NRK: variants seen among roughly 807,000 people sequenced by gnomAD.
The protein encoded by NRK is Nik related kinase.
A neutral mutation model predicts 125.2 loss-of-function variants in NRK; 67 were observed. The observed-to-expected ratio is 0.54, with a 90% CI of 0.44 to 0.66. The LOEUF is 0.66. Among genes scored for constraint, NRK ranks in the 30% least tolerant of loss-of-function variants. The probability of loss-of-function intolerance (pLI) is 0.00; values close to 1 mark genes in which losing one functional copy is unlikely to be tolerated. For synonymous variants in NRK, 458 were observed against 429.0 expected (o/e 1.07, Z -0.84); for missense variants, 1,224 against 1,192.9 (o/e 1.03, Z -0.38).
rs1394521986 is a variant in NRK at position 105,909,754 on chromosome X, A to G, written c.2113A>G (p.Arg705Gly). The change falls in exon 13 of 29, where the codon AGG becomes GGG. Residue 705 changes from arginine to glycine, a missense_variant. Transcript: ENST00000243300. ...LAKRLSPKRFRAKSSWRPEKL... is the reference protein window; with the variant it reads ...LAKRLSPKRFGAKSSWRPEKL... ...AAAAAGACTATCACCAAAGAGGTTC[A>G]GGGCAAAGTCATCATGGAGACCTGA... 15 of 1,181,415 alleles carry G rather than the reference A, an allele frequency of 1.3e-5. No homozygotes were observed. The highest frequency in any genetic ancestry group is 1.6e-5 in the Non-Finnish European group (14 of 880,385).
chrX:105,932,079 C>T (rs1359190080), intron 19 of NRK, among the ~76,000 whole-genome samples: 3 of 111,290 alleles, frequency 2.7e-5, no homozygotes, highest in Admixed American at 1.9e-4. Flanking sequence ...TGGAATCATA[C>T]AATATTTGTC....
intron 4 of NRK, among the ~76,000 whole-genome samples, chrX:105,882,995 AG>A (rs2039903152): frequency 1.8e-5 from 2 of 112,511 alleles, no homozygotes; most frequent in Admixed American, 1.9e-4. Context: ...GAAATTACAA[AG>A]GAAGTTCTGG....
chrX:105,942,432 G>A (rs2040755902), intron 23 of NRK, among the ~76,000 whole-genome samples: 1 of 111,418 alleles, frequency 9.0e-6, no homozygotes, highest in African/African-American at 3.3e-5. Flanking sequence ...ATCCCCATGG[G>A]TGTAAAGTGG....
intron 15 of NRK, among the ~76,000 whole-genome samples, chrX:105,916,374 CTGTTA>C (rs1298243884): frequency 9.0e-6 from 1 of 110,819 alleles, no homozygotes; most frequent in Non-Finnish European, 1.9e-5. Context: ...TGTGTGCATT[CTGTTA>C]TATTTGAAAA....
rs751164827 is a variant in NRK, at chrX:105,953,080, T to C, written c.4560T>C (p.Ile1520=). ...CCACAGGATGGGGCCAAAAGGCCAT[T>C]GAAGTGCGCTCTTTGCAATCCAGGG... ...QRTTGWGQKA[I]EVRSLQSRVL... Residue 1520 remains isoleucine, a synonymous_variant, in exon 28 of 29, where the codon ATT becomes ATC. Coordinates refer to ENST00000243300, the MANE Select transcript of NRK (RefSeq NM_198465.4). The C allele has an allele frequency of 4.2e-6, 5 of 1,193,396 alleles. No individual in the cohort carries two copies. In the African/African-American group the frequency reaches 8.8e-5, roughly 21 times the overall value.
intron 2 of NRK, among the ~76,000 whole-genome samples, chrX:105,863,321 G>GACACAC (rs769445045): frequency 0.19 from 11,612 of 60,312 alleles, 660 homozygotes; most frequent in Middle Eastern, 0.36. Context: ...AATAGTAACA[G>GACACAC]ACACACACAC....
At chrX:105,824,550 G>A (rs920204601) in intron 1 of NRK, among the ~76,000 whole-genome samples, 2 of 107,024 alleles carry the variant, frequency 1.9e-5, no homozygotes, top group African/African-American at 3.4e-5. Context: ...TGGTAAAGAC[G>A]TCATAGAAAT....
intron 2 of NRK, among the ~76,000 whole-genome samples, chrX:105,847,316 A>T: frequency 8.9e-6 from 1 of 112,477 alleles, no homozygotes; most frequent in East Asian, 2.8e-4. Context: ...TTATATTTTC[A>T]GTCATTTGAC....
chrX:105,935,214 C>A lies in NRK; in HGVS notation c.3544C>A (p.Pro1182Thr). 8.4e-7 allele frequency: 1 copy of A among 1,195,377 alleles called. No homozygotes were observed. Among genetic ancestry groups the A allele is most frequent in the Non-Finnish European group, 1.1e-6 (1 of 881,051 alleles). ...AGTACCTGAGGAATCACCTAAGCAA[C>A]CCTCTGAAGTCAATGTTAACCCACT... ...VEVPEESPKQ[P>T]SEVNVNPLYV... The change falls in exon 21 of 29, where the codon CCC becomes ACC. Residue 1182 changes from proline (P) to threonine (T), a missense_variant. Physicochemically the swap from Pro to Thr is conservative, Grantham distance 38 (BLOSUM62 -1). Coordinates refer to ENST00000243300, the MANE Select transcript of NRK (RefSeq NM_198465.4).
At chrX:105,944,102 C>CAG in intron 24 of NRK, 61 bp downstream of exon 24, 1 of 580,960 alleles carries the variant, frequency 1.7e-6, no homozygotes. Context: ...AAATTGTGAA[C>CAG]AGAATCGTAC....
intron 2 of NRK, among the ~76,000 whole-genome samples, chrX:105,859,943 C>G (rs2039580475): frequency 8.9e-6 from 1 of 111,795 alleles, no homozygotes; most frequent in Admixed American, 9.5e-5. Flanking sequence ...GACCCTGAAC[C>G]CCTTGAAGGT....
At chrX:105,931,274 A>G (rs1315466270) in intron 19 of NRK, among the ~76,000 whole-genome samples, 3 of 112,227 alleles carry the variant, frequency 2.7e-5, no homozygotes, top group Admixed American at 9.4e-5. Flanking sequence ...CTGGAGAGGC[A>G]CAGTGTTTAC....
chrX:105,880,250 C>T lies in NRK; in HGVS notation c.175C>T (p.Arg59Cys). 3 of 1,027,021 alleles carry T rather than the reference C, an allele frequency of 2.9e-6. No homozygotes were observed. The highest frequency in any genetic ancestry group is 3.9e-6 in the Non-Finnish European group (3 of 766,751). 84.6% of individuals were successfully genotyped at this position (1,027,021 alleles called of 1,213,427 possible). A position where few individuals can be genotyped will look rare whatever the true frequency, so the allele number is the denominator to read the frequency against. The part of the protein sequence containing the change: ...AFTAVKVMNA[R>C]KTPLPEIGRR... ...TACAGCTGTTAAAGTGATGAACGCT[C>T]GTAAGGTAATATTATAAATTGCCTG... Residue 59 changes from arginine (R) to cysteine (C), a missense_variant, in exon 3 of 29, where the codon CGT becomes TGT. Coordinates refer to ENST00000243300, the MANE Select transcript of NRK (RefSeq NM_198465.4).
chrX:105,932,401 C>T (rs1417096055), intron 19 of NRK, among the ~76,000 whole-genome samples: 1 of 111,904 alleles, frequency 8.9e-6, no homozygotes, highest in Non-Finnish European at 1.9e-5. Context: ...TCTTGAGCAA[C>T]TGATAACATA....
At position 105,906,442 on chromosome X, in the gene NRK, A is replaced by G. The variant is rs756406211; in HGVS notation, c.874A>G (p.Lys292Glu). ...WSRKFHNFMEKCTIKNFLFRP... is the reference protein window; with the variant it reads ...WSRKFHNFMEECTIKNFLFRP... ...CCGTAAGTTCCACAATTTCATGGAA[A>G]AGTGTACGATAAAAAATTTCCTGTT... Residue 292 changes from lysine to glutamate, a missense_variant, in exon 11 of 29, where the codon AAG (lysine) becomes GAG (glutamate). Physicochemically the swap from Lys to Glu is moderately conservative, Grantham distance 56. Coordinates refer to ENST00000243300, the MANE Select transcript of NRK (RefSeq NM_198465.4). The G allele has an allele frequency of 2.6e-6, 3 of 1,169,061 alleles. No homozygotes were observed. Among genetic ancestry groups the G allele is most frequent in the South Asian group, 4.1e-5 (2 of 48,468 alleles).
At chrX:105,941,406 A>G (rs887572983) in intron 23 of NRK, among the ~76,000 whole-genome samples, 1 of 111,227 alleles carries the variant, frequency 9.0e-6, no homozygotes, top group African/African-American at 3.3e-5. Context: ...ACTGTCACCA[A>G]TTACTACCCT....
At chrX:105,895,816 T>A (rs963658102) in intron 7 of NRK, among the ~76,000 whole-genome samples, 16 of 112,038 alleles carry the variant, frequency 1.4e-4, no homozygotes, top group African/African-American at 5.2e-4. Flanking sequence ...GAAATAGCTA[T>A]TATATTTATT....
intron 2 of NRK, among the ~76,000 whole-genome samples, 168 bp from the exon 3 acceptor site, chrX:105,880,031 T>A (rs2039865409): frequency 9.0e-6 from 1 of 111,208 alleles, no homozygotes; most frequent in South Asian, 3.7e-4. Context: ...GTTGATAATT[T>A]AATATTTCTG....
intron 19 of NRK, among the ~76,000 whole-genome samples, chrX:105,931,404 A>G (rs147767965): frequency 0.012 from 1,344 of 111,795 alleles, 28 homozygotes; most frequent in African/African-American, 0.041. Flanking sequence ...ATCTGGAGCA[A>G]TGCAGACACA....
Sources: allele counts gnomAD v4.1 joint callset (sites outside exome capture counted in the v4.1 genomes callset), GRCh38; gene constraint gnomAD v4.1.1; transcripts MANE v1.5; gene names NCBI Gene and HGNC (gene_info 2026-07-23, HGNC 2026-07-21).